The following SUGCT variants were observed in gnomAD, a reference collection of about 807,000 sequenced individuals.
SUGCT encodes the protein succinyl-CoA:glutarate CoA-transferase.
A neutral mutation model predicts 55.0 loss-of-function variants in SUGCT; 41 were observed. The ratio of observed to expected loss-of-function variants is 0.74; its 90% CI spans 0.58 to 0.97. SUGCT has a LOEUF of 0.97. SUGCT is among the 50% of genes least tolerant of loss of function. The pLI, the probability that SUGCT is intolerant of heterozygous loss-of-function variation, is 0.00. For missense variants in SUGCT, 568 were observed against 547.8 expected (o/e 1.04, Z -0.37); for synonymous variants, 187 against 200.4 (o/e 0.93, Z 0.56).
intron 12 of SUGCT, among the ~76,000 whole-genome samples, chr7:40,660,545 C>T (rs1380206043): frequency 6.6e-5 from 10 of 152,204 alleles, no homozygotes. Context: ...GCTTGAGCCA[C>T]CGTGCCCAGC....
intron 1 of SUGCT, among the ~76,000 whole-genome samples, chr7:40,135,813 C>T (rs1331724415): frequency 5.9e-5 from 9 of 152,006 alleles, no homozygotes; most frequent in Non-Finnish European, 1.2e-4. Context: ...TGCGCCACCA[C>T]GCCCAACTAA....
intron 6 of SUGCT, among the ~76,000 whole-genome samples, chr7:40,221,609 A>G (rs867556370): frequency 1.1e-4 from 17 of 149,418 alleles, no homozygotes; most frequent in Middle Eastern, 3.4e-3. Flanking sequence ...TTGTGCCTCA[A>G]CCTCCCGAGT....
At chr7:40,270,281 A>G (rs1398901625) in intron 7 of SUGCT, among the ~76,000 whole-genome samples, 5 of 151,744 alleles carry the variant, frequency 3.3e-5, no homozygotes, top group African/African-American at 4.8e-5. Flanking sequence ...ATTATGTCCA[A>G]TTTATTTTTT....
chr7:40,938,053 T>G, the SUGCT span, among the ~76,000 whole-genome samples: 1 of 152,208 alleles, frequency 6.6e-6, no homozygotes, highest in Non-Finnish European at 1.5e-5. Flanking sequence ...GTGGAGTGCA[T>G]GTGGTAATGC....
chr7:40,996,972 G>A, the SUGCT span, among the ~76,000 whole-genome samples: 5 of 152,268 alleles, frequency 3.3e-5, no homozygotes, highest in Non-Finnish European at 7.3e-5. Context: ...AAACTGAAGC[G>A]AAGGAGACAG....
At chr7:40,770,067 T>C (rs1335852577) in intron 13 of SUGCT, among the ~76,000 whole-genome samples, 1 of 152,196 alleles carries the variant, frequency 6.6e-6, no homozygotes, top group Non-Finnish European at 1.5e-5. Flanking sequence ...CCTTCATGAT[T>C]AAGCTTGATA....
At chr7:40,733,644 G>C (rs1447419319) in intron 12 of SUGCT, among the ~76,000 whole-genome samples, 1 of 152,198 alleles carries the variant, frequency 6.6e-6, no homozygotes, top group Admixed American at 6.5e-5. Context: ...AGGATGTCAT[G>C]TGCAGTGTCC....
chr7:40,492,264 G>A (rs1791726388), intron 11 of SUGCT, among the ~76,000 whole-genome samples: 3 of 152,090 alleles, frequency 2.0e-5, no homozygotes. Context: ...GGTTAGGAAT[G>A]TCTAGAAAAC....
chr7:40,340,086 C>T (rs1003155325), intron 9 of SUGCT, among the ~76,000 whole-genome samples: 1 of 152,128 alleles, frequency 6.6e-6, no homozygotes, highest in Middle Eastern at 3.2e-3. Flanking sequence ...CTGCCAGAAA[C>T]CAACTCAATA....
At chr7:40,928,083 G>GAT in the SUGCT span, among the ~76,000 whole-genome samples, 1 of 151,802 alleles carries the variant, frequency 6.6e-6, no homozygotes. Context: ...ATTTCCCAAA[G>GAT]ATATGCCTAG....
rs150269154 is a variant in SUGCT, at chr7:40,710,220, C to T, written c.1090-39214C>T. ...CATTCTCTGCATGTTAACTATACGG[C>T]GGACCACCTCTTTCTCTCTCATTCT... is the stretch of plus-strand genomic sequence containing the variant. On this transcript the variant is annotated intron_variant, in intron 12 of 13. Transcript: ENST00000335693. Among the ~76,000 whole-genome samples the T allele has an allele frequency of 1.4e-3, 210 of 152,276 alleles. 1 individual carries two copies. The highest frequency in any genetic ancestry group is 4.9e-3 in the African/African-American group (205 of 41,546).
intron 9 of SUGCT, among the ~76,000 whole-genome samples, chr7:40,405,618 T>A (rs545915509): frequency 1.7e-4 from 26 of 152,092 alleles, no homozygotes; most frequent in Non-Finnish European, 3.4e-4. Flanking sequence ...AAGACCAGCC[T>A]GGCCAACATG....
chr7:40,161,989 C>T (rs557084693), intron 1 of SUGCT, among the ~76,000 whole-genome samples: 73 of 151,830 alleles, frequency 4.8e-4, no homozygotes, highest in Middle Eastern at 3.4e-3. Context: ...CTCCGCCTCC[C>T]GGGTTCAAGC....
intron 11 of SUGCT, among the ~76,000 whole-genome samples, chr7:40,494,923 T>TG (rs202236850): frequency 0.022 from 3,273 of 151,876 alleles, 53 homozygotes; most frequent in Middle Eastern, 0.051. Context: ...TTTGTTTGTT[T>TG]TTTTGAGATG....
intron 9 of SUGCT, among the ~76,000 whole-genome samples, chr7:40,421,900 A>T (rs1787328663): frequency 3.3e-5 from 5 of 152,004 alleles, no homozygotes; most frequent in Admixed American, 2.6e-4. Context: ...GTTCTCAGAG[A>T]TCTCCGACCT....
At chr7:40,980,144 A>T in the SUGCT span, among the ~76,000 whole-genome samples, 1 of 152,092 alleles carries the variant, frequency 6.6e-6, no homozygotes, top group Non-Finnish European at 1.5e-5. Context: ...AGACAGCAAG[A>T]GAGAGCAAGA....
At chr7:40,886,338 G>T in the SUGCT span, among the ~76,000 whole-genome samples, 3 of 152,270 alleles carry the variant, frequency 2.0e-5, no homozygotes, top group East Asian at 5.8e-4. Flanking sequence ...TGTGGCAGGG[G>T]CCACTAGCGG....
chr7:40,951,312 C>T, the SUGCT span, among the ~76,000 whole-genome samples: 1 of 151,598 alleles, frequency 6.6e-6, no homozygotes, highest in Non-Finnish European at 1.5e-5. Context: ...GATATCCTAT[C>T]ATTTTTTATT....
At chr7:40,913,464 A>G in the SUGCT span, among the ~76,000 whole-genome samples, 1 of 152,194 alleles carries the variant, frequency 6.6e-6, no homozygotes, top group African/African-American at 2.4e-5. Flanking sequence ...TGCTATGAAA[A>G]TTCAATTTCA....
Sources: allele counts gnomAD v4.1 joint callset (sites outside exome capture counted in the v4.1 genomes callset), GRCh38; gene constraint gnomAD v4.1.1; transcripts MANE v1.5; gene names NCBI Gene and HGNC (gene_info 2026-07-23, HGNC 2026-07-21).